The following ABCA3 variants were observed in gnomAD, a reference collection of about 807,000 sequenced individuals.
The protein encoded by ABCA3 is ATP binding cassette subfamily A member 3, also known as phospholipid-transporting ATPase ABCA3.
Under a neutral mutation model 172.8 loss-of-function variants are expected in ABCA3, and 88 were observed. That is an observed-to-expected ratio of 0.51 (90% CI 0.43 to 0.61). The LOEUF is 0.61. Ranked by LOEUF, ABCA3 falls within the 20% of genes least tolerant of loss-of-function variation. The pLI is 0.00. For synonymous variants in ABCA3, 1,066 were observed against 983.8 expected, an observed-to-expected ratio of 1.08 and a Z score of -1.56; for missense variants, 2,164 against 2,301.0, an observed-to-expected ratio of 0.94 and a Z score of 1.22.
At chr16:2,326,735 C>T (rs1427142204) in intron 3 of ABCA3, among the ~76,000 whole-genome samples, 1 of 152,174 alleles carries the variant, frequency 6.6e-6, no homozygotes, top group East Asian at 1.9e-4. Context: ...TGCCTGTAAT[C>T]TCAACACTTT....
At chr16:2,321,792 T>G (rs2093726469) in intron 7 of ABCA3, among the ~76,000 whole-genome samples, 1 of 152,024 alleles carries the variant, frequency 6.6e-6, no homozygotes, top group East Asian at 1.9e-4. Context: ...AAACCATGGA[T>G]CAGGTGCACA....
In ABCA3 at chr16:2,281,183, C is replaced by G. The variant is rs773422546; in HGVS notation, c.4203G>C (p.Arg1401Ser). ...EQRVPLLAVD[R>S]LSLAVQKGEC... Reference sequence around the variant, plus strand: ...CCCCTTTCTGCACCGCGAGGGAGAGCCTGTCCACGGCCAGGAGGGGCACCC... The same window carrying G: ...CCCCTTTCTGCACCGCGAGGGAGAGGCTGTCCACGGCCAGGAGGGGCACCC... The change falls in exon 28 of 33, where the codon AGG (arginine) becomes AGC (serine). Residue 1401 changes from arginine (R) to serine (S), a missense_variant. Physicochemically the swap from Arg to Ser is moderately radical, Grantham distance 110. Around this residue, in one of 3 missense-constraint regions of ABCA3, gnomAD observed 795 missense variants for 881.9 expected, o/e 0.90. Transcript: ENST00000301732. This position sits in a 1 kb window ranked among gnomAD's most constrained non-coding sequence, Gnocchi z 4.7. The G allele has an allele frequency of 6.2e-7, 1 of 1,613,694 alleles. No individual in the cohort carries two copies. The highest frequency in any genetic ancestry group is 1.7e-5 in the Admixed American group (1 of 60,022).
At chr16:2,280,678 C>T (rs1001300538) in intron 28 of ABCA3, among the ~76,000 whole-genome samples, 1 of 152,214 alleles carries the variant, frequency 6.6e-6, no homozygotes, top group Non-Finnish European at 1.5e-5. Context: ...GAAAGCTGGG[C>T]GGGCCCAGGG....
chr16:2,331,445 C>T (rs186704496), intron 1 of ABCA3, among the ~76,000 whole-genome samples: 28 of 152,298 alleles, frequency 1.8e-4, no homozygotes, highest in African/African-American at 5.8e-4. Flanking sequence ...GTGATCCGCC[C>T]GCCTCGGCCT....
chr16:2,303,032 C>G (rs2141714236), intron 12 of ABCA3, among the ~76,000 whole-genome samples: 1 of 152,032 alleles, frequency 6.6e-6, no homozygotes, highest in South Asian at 2.1e-4. Flanking sequence ...CTTCTGACCT[C>G]AGGTGATCCA....
Position 2,297,604 on chromosome 16 carries a change from C to A in ABCA3, c.2053-65G>T, listed in dbSNP as rs147395547. 6.3e-7 allele frequency: 1 copy of A among 1,598,924 alleles called. No individual in the cohort carries two copies. The highest frequency in any genetic ancestry group is 8.5e-7 in the Non-Finnish European group (1 of 1,173,298). On this transcript the variant is annotated intron_variant, in intron 16 of 32. Transcript: ENST00000301732. The surrounding 1 kb of genome is among the most constrained non-coding windows in gnomAD (Gnocchi z 5.6). Reference sequence around the variant, plus strand: ...ACACCCCGGGCCCAGGCTGGCCTTGCGGTAGGCCCCATCGAGGGGTTCGCG... The same window carrying A: ...ACACCCCGGGCCCAGGCTGGCCTTGAGGTAGGCCCCATCGAGGGGTTCGCG...
chr16:2,332,577 G>A (rs2093745067), intron 1 of ABCA3: 1 of 1,368,916 alleles, frequency 7.3e-7, no homozygotes, highest in African/African-American at 1.4e-5. Flanking sequence ...ATCGCTCCTT[G>A]CTGAGAAGCA....
In ABCA3 at chr16:2,281,494, G is replaced by C. The variant is rs776976292; in HGVS notation, c.4051C>G (p.Arg1351Gly). The change falls in exon 27 of 33, where the codon CGG becomes GGG. Residue 1351 changes from arginine to glycine, a missense_variant. Physicochemically the swap from Arg to Gly is moderately radical, Grantham distance 125. Around this residue, in one of 3 missense-constraint regions of ABCA3, gnomAD observed 795 missense variants for 881.9 expected, o/e 0.90. Transcript: ENST00000301732. This position sits in a 1 kb window ranked among gnomAD's most constrained non-coding sequence, Gnocchi z 4.7. ...RRRTLTELYT[R>G]MPVLPEDQDV... ...TGGTCCTCAGGAAGCACAGGCATCC[G>C]GGTGTATAATTCTGTCTGATTGACC... 1 of 1,613,202 alleles carries C rather than the reference G, an allele frequency of 6.2e-7. No individual in the cohort carries two copies. The highest frequency in any genetic ancestry group is 8.5e-7 in the Non-Finnish European group (1 of 1,179,916).
intron 7 of ABCA3, 108 bp from the exon 8 acceptor site, chr16:2,319,948 G>A: frequency 6.7e-7 from 1 of 1,495,288 alleles, no homozygotes; most frequent in Non-Finnish European, 9.1e-7. Flanking sequence ...GGGCAACAGA[G>A]TGACTTCAGC....
chr16:2,277,752 C>T lies in ABCA3; in HGVS notation c.4910-82G>A. On this transcript the variant is annotated intron_variant, in intron 31 of 32. Transcript: ENST00000301732. This position sits in a 1 kb window ranked among gnomAD's most constrained non-coding sequence, Gnocchi z 5.3. The stretch of plus-strand genomic sequence containing the variant: ...TGCCTGGGTGCTCAGCACTGGAGTC[C>T]TCGTCCCAGGGATTGGGGAGATGGG... 6.3e-7 allele frequency: 1 copy of T among 1,597,650 alleles called. No individual in the cohort carries two copies. The highest frequency in any genetic ancestry group is 8.5e-7 in the Non-Finnish European group (1 of 1,170,432).
chr16:2,301,066 T>C lies in ABCA3; in HGVS notation c.1468-918A>G, dbSNP rs558721015. Among the ~76,000 whole-genome samples the C allele has an allele frequency of 2.0e-5, 3 of 151,080 alleles. No individual in the cohort carries two copies. The South Asian group carries it at 6.3e-4, about 32-fold the overall frequency. ...TAACACGGTGAAACCCCGTCTCTAC[T>C]AAAAATACAAAAAAATTAGCCGGGC... On this transcript the variant is annotated intron_variant, in intron 12 of 32. Coordinates refer to ENST00000301732, the MANE Select transcript of ABCA3 (RefSeq NM_001089.3).
At chr16:2,325,745 G>C (rs2093733130) in intron 5 of ABCA3, among the ~76,000 whole-genome samples, 1 of 152,216 alleles carries the variant, frequency 6.6e-6, no homozygotes, top group South Asian at 2.1e-4. Context: ...GGGTTAAAAT[G>C]TCACCAGGGT....
intron 20 of ABCA3, 36 bp downstream of exon 20, chr16:2,289,398 T>G (rs1236842109): frequency 1.3e-6 from 2 of 1,550,954 alleles, no homozygotes; most frequent in South Asian, 1.2e-5. Flanking sequence ...CTGCTCGCCC[T>G]TCCCCCGCCA....
rs1408861663 is a variant in ABCA3 at position 2,281,610 on chromosome 16, T to G, written c.4036-101A>C. 1 of 1,443,296 alleles carries G rather than the reference T, an allele frequency of 6.9e-7. No individual in the cohort carries two copies. Among genetic ancestry groups the G allele is most frequent in the Non-Finnish European group, 9.6e-7 (1 of 1,044,334 alleles). 89.4% of individuals were successfully genotyped at this position (1,443,296 alleles called of 1,614,324 possible). ...GTGGATGTGGGAGGTCTGGTGGGAC[T>G]AAGGCCTTCAAGGCTTCTCGTCCCA... On this transcript the variant is annotated intron_variant, in intron 26 of 32. Coordinates refer to ENST00000301732, the MANE Select transcript of ABCA3 (RefSeq NM_001089.3). The surrounding 1 kb of genome is among the most constrained non-coding windows in gnomAD (Gnocchi z 4.7).
In ABCA3 at chr16:2,297,610, G is replaced by C; in HGVS notation, c.2053-71C>G. 6.3e-7 allele frequency: 1 copy of C among 1,596,918 alleles called. No homozygotes were observed. Among genetic ancestry groups the C allele is most frequent in the South Asian group, 1.1e-5 (1 of 90,676 alleles). ...CGGGCCCAGGCTGGCCTTGCGGTAG[G>C]CCCCATCGAGGGGTTCGCGGAGCCG... On this transcript the variant is annotated intron_variant, in intron 16 of 32. Transcript: ENST00000301732. The surrounding 1 kb of genome is among the most constrained non-coding windows in gnomAD (Gnocchi z 5.6).
Position 2,284,893 on chromosome 16 carries a change from A to C in ABCA3, c.3589T>G (p.Tyr1197Asp). 1.2e-6 allele frequency: 2 copies of C among 1,613,914 alleles called. No individual in the cohort carries two copies. Among genetic ancestry groups the C allele is most frequent in the Non-Finnish European group, 1.7e-6 (2 of 1,179,984 alleles). Residue 1197 changes from tyrosine to aspartate, a missense_variant, in exon 24 of 33, where the codon TAC becomes GAC. Around this residue, in one of 3 missense-constraint regions of ABCA3, gnomAD observed 795 missense variants for 881.9 expected, o/e 0.90. Transcript: ENST00000301732. The surrounding 1 kb of genome is among the most constrained non-coding windows in gnomAD (Gnocchi z 5.9). Reference sequence around the variant, plus strand: ...CCCAAGAAGAAGAAGTTCATCAGGTACATGAGGGGGATGATGGCCCAGCCG... The same window carrying C: ...CCCAAGAAGAAGAAGTTCATCAGGTCCATGAGGGGGATGATGGCCCAGCCG... ...LYGWAIIPLM[Y>D]LMNFFFLGAA... is the part of the protein sequence containing the mutation.
rs1040531097 is a variant in ABCA3, at chr16:2,303,844, G to C, written c.1467+125C>G. 1.1e-5 allele frequency: 12 copies of C among 1,095,382 alleles called. No individual in the cohort carries two copies. The African/African-American group carries it at 1.6e-4, about 14-fold the overall frequency. 67.9% of individuals were successfully genotyped at this position (1,095,382 alleles called of 1,614,324 possible). A position where few individuals can be genotyped will look rare whatever the true frequency, so the allele number is the denominator to read the frequency against. ...ACGCCACTCCCTGTGCACAGGGCAG[G>C]GTTCTGTGTGCCAGCCCCACGCAGG... is the stretch of plus-strand genomic sequence containing the variant. On this transcript the variant is annotated intron_variant, in intron 12 of 32. Coordinates refer to ENST00000301732, the MANE Select transcript of ABCA3 (RefSeq NM_001089.3).
At position 2,329,718 on chromosome 16, in the gene ABCA3, CG is replaced by C. The variant is rs2093740097; in HGVS notation, c.-403del. The C allele has an allele frequency of 6.6e-6, 1 of 152,382 alleles. No homozygotes were observed. The highest frequency in any genetic ancestry group is 6.5e-5 in the Admixed American group (1 of 15,280). The allele number at this position is 152,382 out of a possible 1,614,324, so 9.4% of individuals were successfully genotyped here. A position where few individuals can be genotyped will look rare whatever the true frequency, so the allele number is the denominator to read the frequency against. ...TACTGGGGAACTGGCCAGGAGGAGG[CG>C]GCTCCGCACAGAGGGCTCCGGGGTG... is the stretch of plus-strand genomic sequence containing the variant. On this transcript the variant is annotated 5_prime_UTR_variant, in exon 2 of 33. It removes the in-frame stop codon of an upstream open reading frame in the 5' UTR. Transcript: ENST00000301732.
rs769566536 is a variant in ABCA3 at position 2,278,331 on chromosome 16, G to T, written c.4675C>A (p.Arg1559=). The change falls in exon 30 of 33, where the codon CGA becomes AGA. Residue 1559 remains arginine (R), a synonymous_variant. Transcript: ENST00000301732. The surrounding 1 kb of genome is among the most constrained non-coding windows in gnomAD (Gnocchi z 4.4). ...ARRLLWDTVA[R]ARESGKAIII... ...ATGGCCTTGCCAGACTCTCGGGCTC[G>T]TGCCACGGTGTCCCAAAGCAGGCGC... is the stretch of plus-strand genomic sequence containing the variant. 6.2e-7 allele frequency: 1 copy of T among 1,610,956 alleles called. No individual in the cohort carries two copies. Among genetic ancestry groups the T allele is most frequent in the Non-Finnish European group, 8.5e-7 (1 of 1,179,980 alleles).
Sources: allele counts gnomAD v4.1 joint callset (sites outside exome capture counted in the v4.1 genomes callset), GRCh38; gene constraint gnomAD v4.1.1; regional missense constraint gnomAD v4.1.1; non-coding constraint Gnocchi (gnomAD v3.1); transcripts MANE v1.5; gene names NCBI Gene and HGNC (gene_info 2026-07-23, HGNC 2026-07-21).